PHC2: variants seen among roughly 807,000 people sequenced by gnomAD.
The protein encoded by PHC2 is polyhomeotic homolog 2, also known as polyhomeotic-like protein 2.
Under a neutral mutation model 87.4 loss-of-function variants are expected in PHC2, and 29 were observed. That is an observed-to-expected ratio of 0.33 (90% confidence interval 0.25 to 0.45). PHC2 has a LOEUF of 0.45. Ranked by LOEUF, PHC2 falls within the 20% of genes least tolerant of loss-of-function variation. The probability of loss-of-function intolerance (pLI) is 1.00; values close to 1 mark genes in which losing one functional copy is unlikely to be tolerated. For missense variants in PHC2, 857 were observed against 1,136.7 expected (o/e 0.75, Z 3.54); for synonymous variants, 438 against 461.7 (o/e 0.95, Z 0.66).
chr1:33,370,550 G>A lies in PHC2; in HGVS notation c.447C>T (p.Leu149=). 1 of 1,613,908 alleles carries A rather than the reference G, an allele frequency of 6.2e-7. No homozygotes were observed. Among genetic ancestry groups the A allele is most frequent in the Non-Finnish European group, 8.5e-7 (1 of 1,179,800 alleles). The change falls in exon 5 of 15, where the codon CTC becomes CTT. Residue 149 remains leucine (L), a synonymous_variant. Coordinates refer to ENST00000683057, the MANE Select transcript of PHC2 (RefSeq NM_001385109.1). The stretch of plus-strand genomic sequence containing the variant: ...AGTTCACACTCTGGGCCCGGTTGAG[G>A]AGCTGGGCTGCTGCTGGGGAGGCTG... ...NLAASPAAAQ[L]LNRAQSVNSA...
chr1:33,359,515 CCATT>C (rs1261532926), intron 7 of PHC2, among the ~76,000 whole-genome samples: 1 of 152,170 alleles, frequency 6.6e-6, no homozygotes, highest in African/African-American at 2.4e-5. Flanking sequence ...ACACTTTCAA[CCATT>C]CACTCACTCA....
chr1:33,335,715 C>T (rs1646613649), intron 9 of PHC2, among the ~76,000 whole-genome samples: 1 of 152,166 alleles, frequency 6.6e-6, no homozygotes. Context: ...GCCTGGCCAA[C>T]ATGGTGAAAC....
Position 33,332,463 on chromosome 1 carries a change from C to G in PHC2, c.1762-59G>C. 1 of 1,598,188 alleles carries G rather than the reference C, an allele frequency of 6.3e-7. No individual in the cohort carries two copies. Among genetic ancestry groups the G allele is most frequent in the Non-Finnish European group, 8.6e-7 (1 of 1,166,686 alleles). The stretch of plus-strand genomic sequence containing the variant: ...CAGGTGGGAGCGGCTTCCTTGCTAT[C>G]CATCCTCATCACAATTACACGTATA... On this transcript the variant is annotated intron_variant, in intron 10 of 14. Coordinates refer to ENST00000683057, the MANE Select transcript of PHC2 (RefSeq NM_001385109.1). This position sits in a 1 kb window ranked among gnomAD's most constrained non-coding sequence, Gnocchi z 4.2.
chr1:33,405,673 T>A (rs1423625696), intron 1 of PHC2, among the ~76,000 whole-genome samples: 1 of 152,220 alleles, frequency 6.6e-6, no homozygotes, highest in Admixed American at 6.5e-5. Context: ...TAAATTTTCC[T>A]CTAAGCTCAG....
At chr1:33,327,964 T>C (rs1646407328) in intron 14 of PHC2, among the ~76,000 whole-genome samples, 1 of 152,220 alleles carries the variant, frequency 6.6e-6, no homozygotes, top group Non-Finnish European at 1.5e-5. Flanking sequence ...ATTTTGGGGA[T>C]GAAGAGATAA....
At chr1:33,411,104 T>C (rs551618126) in intron 1 of PHC2, among the ~76,000 whole-genome samples, 94 of 152,312 alleles carry the variant, frequency 6.2e-4, no homozygotes, top group Non-Finnish European at 1.1e-3. Flanking sequence ...GCCAGCTTCA[T>C]TACCCAATAT....
At chr1:33,413,304 CACG>C (rs1650058229) in intron 1 of PHC2, among the ~76,000 whole-genome samples, 1 of 152,160 alleles carries the variant, frequency 6.6e-6, no homozygotes, top group Non-Finnish European at 1.5e-5. Context: ...TTGTCTGTAC[CACG>C]ACAACAGAAA....
chr1:33,349,194 G>A lies in PHC2; in HGVS notation c.1558+5207C>T, dbSNP rs1254688019. 3 of 975,804 alleles carry A rather than the reference G, an allele frequency of 3.1e-6. No individual in the cohort carries two copies. The highest frequency in any genetic ancestry group is 3.7e-6 in the Non-Finnish European group (3 of 821,826). 60.4% of individuals were successfully genotyped at this position (975,804 alleles called of 1,614,324 possible). ...ACAAAACTCTCCAGCGAAGCCGCAG[G>A]CGCCTCCAAGATAGGGAGTCCACCA... On this transcript the variant is annotated intron_variant, in intron 9 of 14. Coordinates refer to ENST00000683057, the MANE Select transcript of PHC2 (RefSeq NM_001385109.1). This position sits in a 1 kb window ranked among gnomAD's most constrained non-coding sequence, Gnocchi z 4.2.
In PHC2 at chr1:33,370,568, G is replaced by T. The variant is rs760979483; in HGVS notation, c.429C>A (p.Ser143=). The T allele has an allele frequency of 6.2e-7, 1 of 1,613,174 alleles. No individual in the cohort carries two copies. Among genetic ancestry groups the T allele is most frequent in the East Asian group, 2.2e-5 (1 of 44,818 alleles). ...AQSSSINLAA[S]PAAAQLLNRA... ...GGTTGAGGAGCTGGGCTGCTGCTGG[G>T]GAGGCTGCCAGGTTGATCTAATGAG... The change falls in exon 5 of 15, where the codon TCC becomes TCA. Residue 143 remains serine (S), a synonymous_variant. Transcript: ENST00000683057.
rs112059454 is a variant in PHC2 at position 33,422,583 on chromosome 1, C to A, written c.-55+8393G>T. On this transcript the variant is annotated intron_variant, in intron 1 of 14. Transcript: ENST00000683057. ...TGGCTGGTTATACAATGGGCCTGAC[C>A]TAGTACCACATTCCCTACTTATATT... Among the ~76,000 whole-genome samples, 926 of 152,322 alleles carry A rather than the reference C, an allele frequency of 6.1e-3. 16 individuals are homozygous for A. The highest frequency in any genetic ancestry group is 0.021 in the African/African-American group (889 of 41,576).
intron 9 of PHC2, chr1:33,347,019 C>T (rs1646857291): frequency 1.0e-6 from 1 of 985,344 alleles, no homozygotes; most frequent in African/African-American, 1.7e-5. Context: ...ACTTACTCCT[C>T]TTAACATGCC....
intron 7 of PHC2, chr1:33,363,309 T>C (rs1570486281): frequency 6.6e-6 from 1 of 152,240 alleles, no homozygotes; most frequent in Non-Finnish European, 1.5e-5. Context: ...GATTTGGTGC[T>C]ACAGTGGATA....
intron 3 of PHC2, among the ~76,000 whole-genome samples, chr1:33,371,407 G>GGCCACCACCATCACACCCA (rs1647828413): frequency 2.6e-5 from 4 of 151,630 alleles, no homozygotes; most frequent in African/African-American, 4.8e-5. Context: ...TATCACACCC[G>GGCCACCACCATCACACCCA]GCCACCACCA....
intron 1 of PHC2, among the ~76,000 whole-genome samples, chr1:33,401,618 AC>A (rs1032235377): frequency 1.3e-5 from 2 of 152,202 alleles, no homozygotes; most frequent in African/African-American, 2.4e-5. Context: ...ACAAATCGGG[AC>A]TTTTTGTGTA....
chr1:33,356,059 A>G (rs1167480108), intron 7 of PHC2, among the ~76,000 whole-genome samples: 2 of 151,910 alleles, frequency 1.3e-5, no homozygotes, highest in African/African-American at 4.8e-5. Context: ...AATAATGCTT[A>G]TTAAGGTGAG....
chr1:33,350,824 AC>A (rs913796464), intron 9 of PHC2, among the ~76,000 whole-genome samples: 1 of 150,684 alleles, frequency 6.6e-6, no homozygotes, highest in African/African-American at 2.5e-5. Context: ...CAAATTTTCA[AC>A]CCCCCTTTTC....
chr1:33,354,564 G>C lies in PHC2; in HGVS notation c.1395C>G (p.Pro465=). The C allele has an allele frequency of 6.2e-7, 1 of 1,613,040 alleles. No homozygotes were observed. The change falls in exon 9 of 15, where the codon CCC becomes CCG. Residue 465 remains proline, a splice_region_variant and synonymous_variant. Transcript: ENST00000683057. ...TCCAGTCATCAGGGACACACTGCTG[G>C]GGCTGTCAAAGGACAGGACAGAGAG... ...ILQLQPASPV[P]QQCVPDDWKE... is the part of the protein sequence containing the mutation.
chr1:33,392,435 G>A (rs1030921877), intron 1 of PHC2, among the ~76,000 whole-genome samples: 40 of 152,010 alleles, frequency 2.6e-4, no homozygotes, highest in African/African-American at 9.7e-4. Context: ...CCATACTAAT[G>A]GATTCTTATC....
intron 1 of PHC2, among the ~76,000 whole-genome samples, chr1:33,389,573 C>T (rs747482470): frequency 6.6e-6 from 1 of 152,136 alleles, no homozygotes; most frequent in Non-Finnish European, 1.5e-5. Context: ...GCAGCTGTTT[C>T]ATAGCTCTGG....
Sources: gnomAD v4.1 joint callset for allele counts (sites outside exome capture counted in the v4.1 genomes callset) on GRCh38, gnomAD v4.1.1 for gene constraint, Gnocchi (gnomAD v3.1) non-coding constraint, MANE v1.5 for transcripts, NCBI Gene and HGNC (gene_info 2026-07-23, HGNC 2026-07-21) for gene names.